Variants in ZNF492 observed in about 807,000 individuals in gnomAD.
ZNF492 encodes the protein zinc finger protein 115 (Y20).
Under a neutral mutation model 6.4 loss-of-function variants are expected in ZNF492, and 3 were observed. The observed-to-expected ratio is 0.47, with a 90% CI of 0.21 to 1.22. ZNF492 has a LOEUF of 1.22. ZNF492 is among the 50% of genes most tolerant of loss of function. The probability of loss-of-function intolerance (pLI) is 0.22; values close to 1 mark genes in which losing one functional copy is unlikely to be tolerated. For missense variants in ZNF492, 356 were observed against 612.5 expected (o/e 0.58, Z 4.42); for synonymous variants, 112 against 205.3 (o/e 0.55, Z 3.89).
At chr19:22,647,839 C>G (rs1444975942) in intron 1 of ZNF492, among the ~76,000 whole-genome samples, 1 of 147,100 alleles carries the variant, frequency 6.8e-6, no homozygotes, top group African/African-American at 2.5e-5. Context: ...AAGCAATTCT[C>G]TCTGCCTCAA....
rs759240290 is a variant in ZNF492, at chr19:22,663,841, G to C, written c.172G>C (p.Gly58Arg). 2 of 1,551,038 alleles carry C rather than the reference G, an allele frequency of 1.3e-6. No individual in the cohort carries two copies. Among genetic ancestry groups the C allele is most frequent in the Non-Finnish European group, 1.7e-6 (2 of 1,153,070 alleles). Residue 58 changes from glycine to arginine, a missense_variant, in exon 4 of 4, where the codon GGC (glycine) becomes CGC (arginine). By Grantham distance (125) the Gly-to-Arg change is moderately radical. Around this residue, in one of 7 missense-constraint regions of ZNF492, gnomAD observed 196 missense variants for 219.4 expected, o/e 0.89. Transcript: ENST00000456783. ...TGCCCGAGACCTTTGGCCAAAGCAG[G>C]GCAAAAAAAATTATTTCCAAAAAGT... ...YFARDLWPKQ[G>R]KKNYFQKVIL...
chr19:22,666,185 C>CTTTTTTTTT lies in ZNF492; in HGVS notation c.*922_*923insTTTTTTTTT, dbSNP rs1555726126. 1.5e-5 allele frequency: 2 copies of CTTTTTTTTT among 136,712 alleles called. No homozygotes were observed. Among genetic ancestry groups the CTTTTTTTTT allele is most frequent in the African/African-American group, 2.8e-5 (1 of 35,444 alleles). 8.5% of individuals were successfully genotyped at this position (136,712 alleles called of 1,614,324 possible). ...AAGGAAATTAGTTTTTCTTTTTCTT[C>CTTTTTTTTT]TTCTTTTTTTTTTTTTTTTTAGATG... On this transcript the variant is annotated 3_prime_UTR_variant, in exon 4 of 4. Coordinates refer to ENST00000456783, the MANE Select transcript of ZNF492 (RefSeq NM_020855.3).
intron 1 of ZNF492, among the ~76,000 whole-genome samples, chr19:22,639,147 A>T (rs12972909): frequency 0.19 from 29,432 of 151,776 alleles, 3,713 homozygotes; most frequent in African/African-American, 0.37. Context: ...GCCAATATTG[A>T]TCTTCTTTAT....
At chr19:22,650,153 C>T (rs537866751) in intron 1 of ZNF492, among the ~76,000 whole-genome samples, 1 of 152,226 alleles carries the variant, frequency 6.6e-6, no homozygotes, top group Admixed American at 6.5e-5. Flanking sequence ...GTTTGTTTTT[C>T]TTTCAATGGT....
chr19:22,636,546 T>TGTG (rs1971767032), intron 1 of ZNF492, among the ~76,000 whole-genome samples: 58 of 103,434 alleles, frequency 5.6e-4, no homozygotes, highest in Non-Finnish European at 7.8e-4. Context: ...GTGTGTGTGT[T>TGTG]TGTGTGTGTG....
intron 3 of ZNF492, among the ~76,000 whole-genome samples, chr19:22,655,309 T>A (rs1343635865): frequency 6.6e-6 from 1 of 151,854 alleles, no homozygotes. Flanking sequence ...AAAAAAAAAT[T>A]CTTTCAATCA....
chr19:22,636,653 A>AT (rs1188730848), intron 1 of ZNF492, among the ~76,000 whole-genome samples: 3 of 149,628 alleles, frequency 2.0e-5, no homozygotes, highest in Non-Finnish European at 4.4e-5. Context: ...TTTTTTTTTG[A>AT]GATGGAGTTT....
At chr19:22,649,746 T>G (rs1971920923) in intron 1 of ZNF492, among the ~76,000 whole-genome samples, 1 of 152,238 alleles carries the variant, frequency 6.6e-6, no homozygotes, top group African/African-American at 2.4e-5. Flanking sequence ...TTGATACTTG[T>G]GTATGCTTCA....
chr19:22,667,670 T>G lies in ZNF492; in HGVS notation c.*2405T>G, dbSNP rs1282550606. The G allele has an allele frequency of 6.6e-6, 1 of 151,988 alleles. No homozygotes were observed. The allele number at this position is 151,988 out of a possible 1,614,324, so 9.4% of individuals were successfully genotyped here. ...CTGAATAAATAAAAATAATTTCTTG[T>G]ATATTTTTCTTTGAATATGTGGCCT... On this transcript the variant is annotated 3_prime_UTR_variant, in exon 4 of 4. Coordinates refer to ENST00000456783, the MANE Select transcript of ZNF492 (RefSeq NM_020855.3).
rs372626478 is a variant in ZNF492 at position 22,663,957 on chromosome 19, A to G, written c.288A>G (p.Glu96=). The G allele has an allele frequency of 9.6e-5, 154 of 1,612,090 alleles. No individual in the cohort carries two copies. Among genetic ancestry groups the G allele is most frequent in the African/African-American group, 1.2e-4 (9 of 74,826 alleles). ...KSMDECKVHK[E]CYNGLNQCLT... ...TGGATGAGTGTAAGGTGCACAAAGA[A>G]TGTTACAATGGACTTAACCAGTGTT... Residue 96 remains glutamate (E), a synonymous_variant, in exon 4 of 4, where the codon GAA becomes GAG. Coordinates refer to ENST00000456783, the MANE Select transcript of ZNF492 (RefSeq NM_020855.3).
At chr19:22,647,246 G>A (rs1207106662) in intron 1 of ZNF492, among the ~76,000 whole-genome samples, 1 of 141,346 alleles carries the variant, frequency 7.1e-6, no homozygotes, top group Non-Finnish European at 1.5e-5. Context: ...TTTTTTGTTT[G>A]TTTGTTTGTT....
chr19:22,643,209 G>C (rs1204299296), intron 1 of ZNF492, among the ~76,000 whole-genome samples: 1 of 152,164 alleles, frequency 6.6e-6, no homozygotes, highest in Non-Finnish European at 1.5e-5. Flanking sequence ...GGGAGGCAGA[G>C]GTTGCAGTAA....
intron 1 of ZNF492, among the ~76,000 whole-genome samples, chr19:22,650,619 G>C (rs138774632): frequency 0.016 from 2,407 of 152,224 alleles, 23 homozygotes; most frequent in Non-Finnish European, 0.027. Flanking sequence ...CCTGGCTGGA[G>C]TTGTTGGAGT....
intron 1 of ZNF492, among the ~76,000 whole-genome samples, chr19:22,646,330 CT>C (rs747777426): frequency 9.2e-5 from 14 of 152,014 alleles, no homozygotes; most frequent in Admixed American, 2.0e-4. Context: ...CTGTTGTTGG[CT>C]TATAGGAATG....
intron 1 of ZNF492, among the ~76,000 whole-genome samples, chr19:22,640,025 C>A (rs1971810337): frequency 6.6e-6 from 1 of 151,984 alleles, no homozygotes; most frequent in South Asian, 2.1e-4. Flanking sequence ...ATGCACCTTC[C>A]ATCCCTAGTT....
intron 1 of ZNF492, among the ~76,000 whole-genome samples, chr19:22,645,266 C>T (rs1472628732): frequency 2.6e-5 from 4 of 152,068 alleles, no homozygotes; most frequent in Non-Finnish European, 4.4e-5. Context: ...AGGCTGGTCT[C>T]GAACTCCATA....
intron 3 of ZNF492, among the ~76,000 whole-genome samples, chr19:22,657,688 G>T (rs1487474483): frequency 6.6e-6 from 1 of 151,950 alleles, no homozygotes; most frequent in Admixed American, 6.6e-5. Flanking sequence ...CATTTTTTCA[G>T]TGTAGGTTTC....
At chr19:22,640,318 C>T (rs7507688) in intron 1 of ZNF492, among the ~76,000 whole-genome samples, 29,359 of 151,910 alleles carry the variant, frequency 0.19, 3,678 homozygotes, top group African/African-American at 0.36. Flanking sequence ...CTTGCTACCA[C>T]GCTCGGCTAA....
At chr19:22,658,946 C>CA (rs1387625492) in intron 3 of ZNF492, among the ~76,000 whole-genome samples, 1 of 151,184 alleles carries the variant, frequency 6.6e-6, no homozygotes, top group Non-Finnish European at 1.5e-5. Context: ...GTAATGCCTC[C>CA]AACATTGTTT....
Sources: gnomAD v4.1 joint callset for allele counts (sites outside exome capture counted in the v4.1 genomes callset) on GRCh38, gnomAD v4.1.1 for gene constraint, gnomAD v4.1.1 regional missense constraint, MANE v1.5 for transcripts, NCBI Gene and HGNC (gene_info 2026-07-23, HGNC 2026-07-21) for gene names.